Variants in SMARCA1 observed in about 807,000 individuals in gnomAD.
SMARCA1 encodes SNF2 related chromatin remodeling ATPase 1.
Under a neutral mutation model 93.6 loss-of-function variants are expected in SMARCA1, and 17 were observed. The observed-to-expected ratio is 0.18, with a 90% confidence interval of 0.12 to 0.27. The LOEUF (loss-of-function observed/expected upper bound fraction) is 0.27. SMARCA1 is among the 10% of genes least tolerant of loss of function. SMARCA1 has a pLI of 1.00. For missense variants in SMARCA1, 630 were observed against 819.0 expected (o/e 0.77, Z 2.82); for synonymous variants, 271 against 271.4 (o/e 1.00, Z 0.01).
At chrX:129,502,263 G>A (rs1602714173) in intron 9 of SMARCA1, among the ~76,000 whole-genome samples, 1 of 111,415 alleles carries the variant, frequency 9.0e-6, no homozygotes, top group East Asian at 2.8e-4. Flanking sequence ...CATGGGAGTG[G>A]ATCCCCAGGG....
At chrX:129,503,569 G>A in intron 9 of SMARCA1, among the ~76,000 whole-genome samples, 1 of 111,695 alleles carries the variant, frequency 9.0e-6, no homozygotes, top group Non-Finnish European at 1.9e-5. Flanking sequence ...AGAAAATGCA[G>A]AGGTCTGGGG....
At chrX:129,464,221 T>TA (rs1300749564) in intron 23 of SMARCA1, among the ~76,000 whole-genome samples, 1 of 112,495 alleles carries the variant, frequency 8.9e-6, no homozygotes, top group Non-Finnish European at 1.9e-5. Flanking sequence ...CCTTTCCTTT[T>TA]ATTCAACTTG....
At chrX:129,516,248 G>A in intron 3 of SMARCA1, 83 bp downstream of exon 3, 2 of 853,519 alleles carry the variant, frequency 2.3e-6, no homozygotes, top group Non-Finnish European at 3.4e-6. Context: ...AGAGCGAAGG[G>A]GTGCATGAAG....
chrX:129,493,608 G>A (rs1416727687), intron 12 of SMARCA1, among the ~76,000 whole-genome samples: 2 of 111,225 alleles, frequency 1.8e-5, no homozygotes, highest in African/African-American at 6.5e-5. Context: ...CAAAAACTTG[G>A]GCATGAATCA....
At chrX:129,504,568 A>ACAAAC (rs1556313715) in intron 9 of SMARCA1, among the ~76,000 whole-genome samples, 166 bp downstream of exon 9, 3 of 98,024 alleles carry the variant, frequency 3.1e-5, no homozygotes, top group Admixed American at 1.1e-4. Flanking sequence ...AAAAAAAAAA[A>ACAAAC]AAAAAAAAAA....
chrX:129,510,146 C>T (rs1934972017), intron 6 of SMARCA1, among the ~76,000 whole-genome samples: 1 of 112,004 alleles, frequency 8.9e-6, no homozygotes, highest in Non-Finnish European at 1.9e-5. Context: ...CCATAGCCCA[C>T]AGTAAAATTA....
intron 9 of SMARCA1, among the ~76,000 whole-genome samples, chrX:129,500,859 T>C (rs1349165095): frequency 8.9e-6 from 1 of 111,823 alleles, no homozygotes; most frequent in Non-Finnish European, 1.9e-5. Flanking sequence ...ATAACGCTGT[T>C]ATGCCAGTGC....
At chrX:129,464,755 A>G (rs1335236257) in intron 23 of SMARCA1, among the ~76,000 whole-genome samples, 1 of 112,302 alleles carries the variant, frequency 8.9e-6, no homozygotes, top group Non-Finnish European at 1.9e-5. Context: ...AGATCATCAC[A>G]TTAACAAGTG....
chrX:129,473,107 A>G (rs1343675930), intron 19 of SMARCA1, among the ~76,000 whole-genome samples: 1 of 111,682 alleles, frequency 9.0e-6, no homozygotes, highest in African/African-American at 3.3e-5. Flanking sequence ...AAAAGAGATA[A>G]GAAACAAGGA....
At chrX:129,502,162 G>A (rs1468274169) in intron 9 of SMARCA1, among the ~76,000 whole-genome samples, 3 of 111,383 alleles carry the variant, frequency 2.7e-5, no homozygotes, top group South Asian at 3.8e-4. Flanking sequence ...AAAAGACTCC[G>A]AAGGCAATGG....
chrX:129,493,222 A>C (rs2124282517), intron 12 of SMARCA1, 147 bp from the exon 13 acceptor site: 1 of 311,038 alleles, frequency 3.2e-6, no homozygotes, highest in Non-Finnish European at 5.9e-6. Context: ...AGGGTGAAAT[A>C]TTATCCTAAA....
chrX:129,462,622 TAATA>T (rs752824006), intron 23 of SMARCA1, among the ~76,000 whole-genome samples: 5 of 111,619 alleles, frequency 4.5e-5, no homozygotes, highest in Non-Finnish European at 7.5e-5. Flanking sequence ...ATAGAAAAAG[TAATA>T]AATAAAACTT....
chrX:129,449,340 G>A (rs1932168151), intron 23 of SMARCA1, among the ~76,000 whole-genome samples: 1 of 111,690 alleles, frequency 9.0e-6, no homozygotes, highest in South Asian at 3.8e-4. Flanking sequence ...CACTAGGTGG[G>A]GCGTACAGGA....
At chrX:129,447,984 T>C (rs867359153) in intron 24 of SMARCA1, among the ~76,000 whole-genome samples, 8 of 111,155 alleles carry the variant, frequency 7.2e-5, no homozygotes, top group Non-Finnish European at 9.4e-5. Context: ...TCAGAACTCC[T>C]AGTTTCAACT....
intron 12 of SMARCA1, among the ~76,000 whole-genome samples, 153 bp from the exon 13 acceptor site, chrX:129,493,228 C>A (rs1200931727): frequency 9.0e-6 from 1 of 111,007 alleles, no homozygotes; most frequent in Non-Finnish European, 1.9e-5. Context: ...AAATATTATC[C>A]TAAAATTACT....
chrX:129,455,608 A>T (rs7059266), intron 23 of SMARCA1, among the ~76,000 whole-genome samples: 2,008 of 103,111 alleles, frequency 0.019, 42 homozygotes, highest in African/African-American at 0.067. Flanking sequence ...AGTATAATTT[A>T]AAAAAAAAAA....
At chrX:129,500,706 G>A (rs911685399) in intron 9 of SMARCA1, among the ~76,000 whole-genome samples, 19 of 111,588 alleles carry the variant, frequency 1.7e-4, no homozygotes, top group African/African-American at 5.9e-4. Flanking sequence ...AGAAAACCAC[G>A]TGTCCCAGCA....
chrX:129,482,026 T>C (rs1933687001), intron 17 of SMARCA1, among the ~76,000 whole-genome samples: 1 of 96,798 alleles, frequency 1.0e-5, no homozygotes, highest in Non-Finnish European at 2.1e-5. Context: ...TTCATGTCCT[T>C]TGTAGGGACA....
chrX:129,450,550 ATGTAT>A (rs1376602882), intron 23 of SMARCA1, among the ~76,000 whole-genome samples: 3 of 112,162 alleles, frequency 2.7e-5, no homozygotes, highest in East Asian at 2.8e-4. Context: ...ATTTCCAGAA[ATGTAT>A]TGTAAGGAAA....
Sources: gnomAD v4.1 joint callset for allele counts (sites outside exome capture counted in the v4.1 genomes callset) on GRCh38, gnomAD v4.1.1 for gene constraint, MANE v1.5 for transcripts, NCBI Gene and HGNC (gene_info 2026-07-23, HGNC 2026-07-21) for gene names.